The following GNG2 variants were observed in gnomAD, a reference collection of about 807,000 sequenced individuals.
The protein encoded by GNG2 is G protein subunit gamma 2.
Under a neutral mutation model 5.5 loss-of-function variants are expected in GNG2, and 5 were observed. The observed-to-expected ratio is 0.91, with a 90% CI of 0.48 to 1.92. The LOEUF is 1.92. Among genes scored for constraint, GNG2 ranks in the 30% most tolerant of loss-of-function variants. The probability of loss-of-function intolerance (pLI) is 0.01; values close to 1 mark genes in which losing one functional copy is unlikely to be tolerated. For synonymous variants in GNG2, 28 were observed against 32.0 expected, an observed-to-expected ratio of 0.88 and a Z score of 0.42; for missense variants, 55 against 88.4, an observed-to-expected ratio of 0.62 and a Z score of 1.52.
intron 1 of GNG2, among the ~76,000 whole-genome samples, chr14:51,864,925 A>G (rs185792276): frequency 6.6e-4 from 101 of 152,330 alleles, no homozygotes; most frequent in Middle Eastern, 3.4e-3. Flanking sequence ...TTTCACTTTT[A>G]AAAATAATGA....
chr14:51,966,719 C>A lies in GNG2; in HGVS notation c.*32C>A. On this transcript the variant is annotated 3_prime_UTR_variant, in exon 4 of 4. Coordinates refer to ENST00000556766, the MANE Select transcript of GNG2 (RefSeq NM_053064.5). The stretch of plus-strand genomic sequence containing the variant: ...GAGAGGGGCCTGAAGAGCCTCCGGG[C>A]TCCTGGGACATTGATGTAGAGTTTT... 1 of 1,601,664 alleles carries A rather than the reference C, an allele frequency of 6.2e-7. No individual in the cohort carries two copies. The highest frequency in any genetic ancestry group is 8.6e-7 in the Non-Finnish European group (1 of 1,168,996).
At chr14:51,904,002 C>T (rs1443386320) in intron 2 of GNG2, among the ~76,000 whole-genome samples, 1 of 152,188 alleles carries the variant, frequency 6.6e-6, no homozygotes, top group East Asian at 1.9e-4. Flanking sequence ...AGGAATTTCT[C>T]AAAAGGCATG....
Position 51,968,116 on chromosome 14 carries a change from T to C in GNG2, c.*1429T>C, listed in dbSNP as rs1302123442. 1 of 152,206 alleles carries C rather than the reference T, an allele frequency of 6.6e-6. No homozygotes were observed. The highest frequency in any genetic ancestry group is 1.5e-5 in the Non-Finnish European group (1 of 68,042). 9.4% of individuals were successfully genotyped at this position (152,206 alleles called of 1,614,324 possible). Reference sequence around the variant, plus strand: ...GTTTGTTAGAGTCTCTCGGCCTTTATTTACAAATTCCTTGCAACTAGAGCG... The same window carrying C: ...GTTTGTTAGAGTCTCTCGGCCTTTACTTACAAATTCCTTGCAACTAGAGCG... On this transcript the variant is annotated 3_prime_UTR_variant, in exon 4 of 4. Coordinates refer to ENST00000556766, the MANE Select transcript of GNG2 (RefSeq NM_053064.5).
chr14:51,944,575 A>G (rs1888532739), intron 2 of GNG2, among the ~76,000 whole-genome samples: 1 of 152,244 alleles, frequency 6.6e-6, no homozygotes, highest in East Asian at 1.9e-4. Flanking sequence ...CTTTTCAACA[A>G]ATCATGATGG....
chr14:51,950,599 T>A, intron 2 of GNG2, 51 bp from the exon 3 acceptor site: 2 of 1,150,588 alleles, frequency 1.7e-6, no homozygotes, highest in South Asian at 2.6e-5. Context: ...CTTGCACATT[T>A]GCTGGCTCAT....
intron 2 of GNG2, among the ~76,000 whole-genome samples, chr14:51,841,874 C>T (rs1328619317): frequency 6.6e-6 from 1 of 152,132 alleles, no homozygotes; most frequent in African/African-American, 2.4e-5. Context: ...GTCCAATAGA[C>T]TGCATGAAAA....
intron 2 of GNG2, chr14:51,914,242 T>A: frequency 1.4e-6 from 1 of 702,266 alleles, no homozygotes; most frequent in Non-Finnish European, 2.6e-6. Flanking sequence ...AATGGAGTTA[T>A]TAGGCAACAT....
At chr14:51,853,575 C>A (rs889532445) in intron 2 of GNG2, among the ~76,000 whole-genome samples, 1 of 152,184 alleles carries the variant, frequency 6.6e-6, no homozygotes, top group Admixed American at 6.5e-5. Flanking sequence ...CTTTTGCCAA[C>A]CTATTTACTG....
exon 2 of GNG2, chr14:51,827,780 G>A (rs1881067623): frequency 2.9e-6 from 2 of 698,736 alleles, no homozygotes; most frequent in Non-Finnish European, 2.6e-6. Flanking sequence ...GGAAAGAGAA[G>A]CAAGAGATGG....
intron 2 of GNG2, among the ~76,000 whole-genome samples, chr14:51,830,137 A>G (rs1881142190): frequency 6.6e-6 from 1 of 152,170 alleles, no homozygotes; most frequent in Non-Finnish European, 1.5e-5. Context: ...CACCATGCCC[A>G]GCTCACTCCC....
At chr14:51,829,021 C>A (rs1392389321) in intron 2 of GNG2, among the ~76,000 whole-genome samples, 1 of 152,218 alleles carries the variant, frequency 6.6e-6, no homozygotes, top group Non-Finnish European at 1.5e-5. Flanking sequence ...TACTTTGATT[C>A]TTTGTTGCTC....
At chr14:51,837,719 T>A (rs1252984042) in intron 2 of GNG2, among the ~76,000 whole-genome samples, 2 of 151,596 alleles carry the variant, frequency 1.3e-5, no homozygotes, top group Non-Finnish European at 2.9e-5. Flanking sequence ...AACTTGTTAA[T>A]GAGGGAACCA....
intron 1 of GNG2, among the ~76,000 whole-genome samples, chr14:51,862,819 CTA>C (rs1282208078): frequency 1.3e-5 from 2 of 152,222 alleles, no homozygotes; most frequent in East Asian, 3.8e-4. Flanking sequence ...AGATCAGTAA[CTA>C]TGATGGTAGA....
chr14:51,867,249 T>C (rs1882959663), intron 1 of GNG2, among the ~76,000 whole-genome samples: 1 of 152,212 alleles, frequency 6.6e-6, no homozygotes, highest in African/African-American at 2.4e-5. Flanking sequence ...TAGTCACTGT[T>C]GCTGTGTGGG....
chr14:51,884,087 C>T (rs907068048), intron 2 of GNG2, among the ~76,000 whole-genome samples: 1 of 152,058 alleles, frequency 6.6e-6, no homozygotes, highest in Non-Finnish European at 1.5e-5. Context: ...GAGATTTTTT[C>T]ATCTCCTGGT....
chr14:51,966,858 G>A lies in GNG2; in HGVS notation c.*171G>A. ...TCTGGTCCCCTTTATGAGAATGCAAGCCGATCCACATCCTGACTTAAGAGA... is the reference window on the plus strand; with the variant it reads ...TCTGGTCCCCTTTATGAGAATGCAAACCGATCCACATCCTGACTTAAGAGA... On this transcript the variant is annotated 3_prime_UTR_variant, in exon 4 of 4. Coordinates refer to ENST00000556766, the MANE Select transcript of GNG2 (RefSeq NM_053064.5). The A allele has an allele frequency of 1.9e-6, 1 of 519,128 alleles. No homozygotes were observed. The highest frequency in any genetic ancestry group is 3.5e-6 in the Non-Finnish European group (1 of 289,768). The allele number at this position is 519,128 out of a possible 1,614,324, so 32.2% of individuals were successfully genotyped here.
Position 51,829,842 on chromosome 14 carries a change from C to CTTTTTTTTTT in GNG2, c.64+2037_64+2038insTTTTTTTTTT. ...GCTCCTAGTTGATCACTCCCTACTT[C>CTTTTTTTTTT]TTCTTTTTTTTTTTTTTTGAGACAG... On this transcript the variant is annotated intron_variant, in intron 2 of 3. Coordinates refer to the GNG2 transcript ENST00000553432. 1.8e-5 allele frequency among the ~76,000 whole-genome samples: 2 copies of CTTTTTTTTTT among 113,252 alleles called. 1 individual carries two copies. Among genetic ancestry groups the CTTTTTTTTTT allele is most frequent in the Non-Finnish European group, 3.7e-5 (2 of 54,174 alleles). The allele number at this position is 113,252 out of a possible 152,430, so 74.3% of individuals were successfully genotyped here.
rs571403709 is a variant in GNG2 at position 51,912,856 on chromosome 14, G to T, written c.-30+35199G>T. The stretch of plus-strand genomic sequence containing the variant: ...GCTTGGTTTTGGGGGTGGGGGTGGG[G>T]GTGTGTGTGTGTATGTGTGTGTTTT... On this transcript the variant is annotated intron_variant, in intron 2 of 3. Coordinates refer to ENST00000556766, the MANE Select transcript of GNG2 (RefSeq NM_053064.5). 4.7e-4 allele frequency among the ~76,000 whole-genome samples: 70 copies of T among 149,884 alleles called. 1 individual carries two copies. The highest frequency in any genetic ancestry group is 2.4e-3 in the East Asian group (12 of 5,090).
At chr14:51,950,548 T>C (rs1041116435) in intron 2 of GNG2, 102 bp from the exon 3 acceptor site, 2 of 698,338 alleles carry the variant, frequency 2.9e-6, no homozygotes, top group Non-Finnish European at 4.9e-6. Flanking sequence ...AAGCCAGGCC[T>C]GGCTACAGCC....
Sources: gnomAD v4.1 joint callset for allele counts (sites outside exome capture counted in the v4.1 genomes callset) on GRCh38, gnomAD v4.1.1 for gene constraint, MANE v1.5 for transcripts, NCBI Gene and HGNC (gene_info 2026-07-23, HGNC 2026-07-21) for gene names.